Variants in SRPK2 observed in about 807,000 individuals in gnomAD.
The protein encoded by SRPK2 is SFRS protein kinase 2.
Under a neutral mutation model 90.8 loss-of-function variants are expected in SRPK2, and 21 were observed. The ratio of observed to expected loss-of-function variants is 0.23; its 90% CI spans 0.16 to 0.33. The LOEUF (loss-of-function observed/expected upper bound fraction) is 0.33, where lower values mean the gene tolerates loss of function less well. SRPK2 is among the 10% of genes least tolerant of loss of function. The probability of loss-of-function intolerance (pLI) is 1.00; values close to 1 mark genes in which losing one functional copy is unlikely to be tolerated. For missense variants in SRPK2, 620 were observed against 869.0 expected, an observed-to-expected ratio of 0.71 and a Z score of 3.60; for synonymous variants, 288 against 311.1, an observed-to-expected ratio of 0.93 and a Z score of 0.78.
intron 2 of SRPK2, chr7:105,245,030 AACAAAC>A (rs758496293): frequency 1.5e-4 from 71 of 489,068 alleles, no homozygotes; most frequent in Admixed American, 2.5e-4. Context: ...AACAAAACAA[AACAAAC>A]ACACACACAC....
Position 105,366,648 on chromosome 7 carries a change from C to T in SRPK2, c.71+22000G>A, listed in dbSNP as rs570005084. 4.6e-3 allele frequency among the ~76,000 whole-genome samples: 702 copies of T among 152,226 alleles called. 5 individuals are homozygous for T. The highest frequency in any genetic ancestry group is 0.016 in the African/African-American group (670 of 41,544). On this transcript the variant is annotated intron_variant, in intron 2 of 15. Coordinates refer to ENST00000393651, the MANE Select transcript of SRPK2 (RefSeq NM_182692.3). ...CCTCCCAAAGTGCTGGGATTACAGG[C>T]GTGAGCCACCAGGCCCAGCCAGGTA...
At chr7:105,186,554 CTT>C (rs1793604813) in intron 3 of SRPK2, among the ~76,000 whole-genome samples, 1 of 152,160 alleles carries the variant, frequency 6.6e-6, no homozygotes, top group South Asian at 2.1e-4. Context: ...TTATTGATTT[CTT>C]GTTGCTGTAT....
chr7:105,127,162 G>C (rs1801326170), intron 13 of SRPK2, 100 bp from the exon 14 acceptor site: 11 of 1,116,050 alleles, frequency 9.9e-6, no homozygotes, highest in Admixed American at 4.4e-5. Context: ...ATGAAGATCT[G>C]AATCAAACAA....
intron 2 of SRPK2, among the ~76,000 whole-genome samples, chr7:105,263,379 C>A (rs1804594234): frequency 6.6e-6 from 1 of 151,046 alleles, no homozygotes; most frequent in Non-Finnish European, 1.5e-5. Context: ...TAACCACAAA[C>A]TGTAAGCCTC....
intron 2 of SRPK2, among the ~76,000 whole-genome samples, chr7:105,234,238 G>A (rs569662772): frequency 4.6e-5 from 7 of 152,202 alleles, no homozygotes; most frequent in African/African-American, 1.7e-4. Context: ...TGGAAAATGC[G>A]GTTGTGGGTG....
intron 2 of SRPK2, among the ~76,000 whole-genome samples, chr7:105,370,489 T>C (rs905516686): frequency 3.3e-5 from 5 of 152,176 alleles, no homozygotes; most frequent in Admixed American, 6.5e-5. Flanking sequence ...TTAGGCTCCA[T>C]ATTCTAAGAC....
intron 3 of SRPK2, among the ~76,000 whole-genome samples, chr7:105,182,943 C>A (rs1254526869): frequency 6.6e-6 from 1 of 152,142 alleles, no homozygotes; most frequent in Non-Finnish European, 1.5e-5. Context: ...AATCATATTT[C>A]TATTACAATG....
At chr7:105,175,494 C>T (rs371109309) in intron 3 of SRPK2, among the ~76,000 whole-genome samples, 15 of 151,576 alleles carry the variant, frequency 9.9e-5, no homozygotes, top group Admixed American at 1.3e-4. Flanking sequence ...CCAAAGCAAA[C>T]GGAAGAATGA....
chr7:105,143,321 T>A lies in SRPK2; in HGVS notation c.823A>T (p.Ile275Leu), dbSNP rs943354532. 1.2e-6 allele frequency: 2 copies of A among 1,611,308 alleles called. No individual in the cohort carries two copies. The highest frequency in any genetic ancestry group is 1.7e-6 in the Non-Finnish European group (2 of 1,179,698). Residue 275 changes from isoleucine (I) to leucine (L), a missense_variant, in exon 10 of 16, where the codon ATA becomes TTA. Transcript: ENST00000393651. ...TAPQQKPIGK[I>L]SKNKKKKLKK... ...AGTTTTTTCTTTTTGTTTTTAGATA[T>A]TTTTCCTATCTATGTTAAGGAAAGA... is the stretch of plus-strand genomic sequence containing the variant.
At chr7:105,149,482 T>C (rs1177061112) in intron 7 of SRPK2, among the ~76,000 whole-genome samples, 2 of 142,808 alleles carry the variant, frequency 1.4e-5, no homozygotes, top group South Asian at 4.1e-4. Context: ...AAGATAATAA[T>C]CAATAAAAAC....
At chr7:105,139,423 T>A (rs1320920530) in intron 11 of SRPK2, among the ~76,000 whole-genome samples, 1 of 152,016 alleles carries the variant, frequency 6.6e-6, no homozygotes, top group Non-Finnish European at 1.5e-5. Flanking sequence ...AAAGAAGACA[T>A]CCTGATGATC....
chr7:105,187,956 A>G (rs1429139923), intron 3 of SRPK2, among the ~76,000 whole-genome samples: 3 of 152,236 alleles, frequency 2.0e-5, no homozygotes, highest in Non-Finnish European at 2.9e-5. Flanking sequence ...ATACAGTGAC[A>G]CAGCCATCTG....
In SRPK2 at chr7:105,397,538, G is replaced by C. The variant is rs145927663; in HGVS notation, n.153+1618C>G. Among the ~76,000 whole-genome samples the C allele has an allele frequency of 8.5e-3, 1,284 of 150,744 alleles. 23 individuals are homozygous for C. Among genetic ancestry groups the C allele is most frequent in the African/African-American group, 0.03 (1,233 of 41,034 alleles). On this transcript the variant is annotated intron_variant and non_coding_transcript_variant, in intron 1 of 3. Transcript: ENST00000462282. ...AGAGACGGGGTTTCACCATATTGGC[G>C]AGGCTGGTCTCGAACTCCTCACCTT...
rs556614977 is a variant in SRPK2, at chr7:105,144,725, A to G, written c.813+558T>C. On this transcript the variant is annotated intron_variant, in intron 9 of 15. Coordinates refer to ENST00000393651, the MANE Select transcript of SRPK2 (RefSeq NM_182692.3). ...CAACTCCATCACCTCACATTTCACT[A>G]AACTTGGCCACCATAGTCCAGAAAA... 1.1e-4 allele frequency among the ~76,000 whole-genome samples: 17 copies of G among 152,344 alleles called. No individual in the cohort carries two copies. The South Asian group carries it at 3.3e-3, about 30-fold the overall frequency.
intron 2 of SRPK2, among the ~76,000 whole-genome samples, chr7:105,303,244 C>T (rs1810774975): frequency 6.6e-6 from 1 of 151,986 alleles, no homozygotes; most frequent in Non-Finnish European, 1.5e-5. Context: ...TGTTCTCACT[C>T]ATAGGTGGGA....
At chr7:105,203,818 T>C in intron 2 of SRPK2, 33 bp from the exon 3 acceptor site, 1 of 1,552,018 alleles carries the variant, frequency 6.4e-7, no homozygotes, top group Non-Finnish European at 8.7e-7. Flanking sequence ...GCTATTTACT[T>C]AGAAGTACAT....
intron 3 of SRPK2, among the ~76,000 whole-genome samples, chr7:105,174,252 G>A (rs1791544940): frequency 6.6e-6 from 1 of 152,030 alleles, no homozygotes; most frequent in Non-Finnish European, 1.5e-5. Flanking sequence ...CTCCAAAGAA[G>A]AAAATTTTAA....
At chr7:105,150,460 G>A (rs1805475851) in intron 7 of SRPK2, among the ~76,000 whole-genome samples, 2 of 152,184 alleles carry the variant, frequency 1.3e-5, no homozygotes, top group Admixed American at 1.3e-4. Flanking sequence ...AGGTCACAGT[G>A]AGCTGAGATC....
intron 2 of SRPK2, among the ~76,000 whole-genome samples, chr7:105,256,625 T>C (rs1803350000): frequency 6.6e-6 from 1 of 152,164 alleles, no homozygotes; most frequent in South Asian, 2.1e-4. Context: ...CCCAAAGCAC[T>C]TGGATTACAG....
Sources: allele counts gnomAD v4.1 joint callset (sites outside exome capture counted in the v4.1 genomes callset), GRCh38; gene constraint gnomAD v4.1.1; transcripts MANE v1.5; gene names NCBI Gene and HGNC (gene_info 2026-07-23, HGNC 2026-07-21).